Variants in NECAB1 observed in about 807,000 individuals in gnomAD.
NECAB1 encodes N-terminal EF-hand calcium-binding protein 1.
Under a neutral mutation model 57.5 loss-of-function variants are expected in NECAB1, and 29 were observed. That is an observed-to-expected ratio of 0.50 (90% CI 0.38 to 0.69). The LOEUF (loss-of-function observed/expected upper bound fraction) is 0.69, where lower values mean the gene tolerates loss of function less well. Among genes scored for constraint, NECAB1 ranks in the 30% least tolerant of loss-of-function variants. The probability of loss-of-function intolerance (pLI) is 0.00; values close to 1 mark genes in which losing one functional copy is unlikely to be tolerated. For missense variants in NECAB1, 372 were observed against 413.8 expected, an observed-to-expected ratio of 0.90 and a Z score of 0.88; for synonymous variants, 142 against 147.7, an observed-to-expected ratio of 0.96 and a Z score of 0.28.
chr8:90,938,869 A>G (rs926607985), intron 9 of NECAB1, among the ~76,000 whole-genome samples: 1 of 152,208 alleles, frequency 6.6e-6, no homozygotes, highest in African/African-American at 2.4e-5. Flanking sequence ...CAGGTAGGCA[A>G]TTTAGGCTGG....
Position 90,801,693 on chromosome 8 carries a change from A to T in NECAB1, c.102A>T (p.Ile34=), listed in dbSNP as rs1811761506. Residue 34 remains isoleucine (I), a splice_region_variant and synonymous_variant, in exon 2 of 13, where the codon ATA becomes ATT. Coordinates refer to ENST00000417640, the MANE Select transcript of NECAB1 (RefSeq NM_022351.5). ...ATTTTTTCCTTTTTCCTTTCCAGAT[A>T]CTGAGGAGAGCAGACAAAAATGGTA... is the stretch of plus-strand genomic sequence containing the variant. ...LSKGMSIFLD[I]LRRADKNDDG... 6.5e-7 allele frequency: 1 copy of T among 1,527,602 alleles called. No individual in the cohort carries two copies. Among genetic ancestry groups the T allele is most frequent in the African/African-American group, 1.4e-5 (1 of 72,310 alleles). The allele number at this position is 1,527,602 out of a possible 1,614,324, so 94.6% of individuals were successfully genotyped here. A position where few individuals can be genotyped will look rare whatever the true frequency, so the allele number is the denominator to read the frequency against.
In NECAB1 at chr8:90,956,952, G is replaced by T. The variant is rs1002951636; in HGVS notation, c.*1440G>T. The T allele has an allele frequency of 7.6e-6, 1 of 131,522 alleles. No individual in the cohort carries two copies. The highest frequency in any genetic ancestry group is 2.0e-4 in the East Asian group (1 of 4,938). The allele number at this position is 131,522 out of a possible 1,614,324, so 8.1% of individuals were successfully genotyped here. On this transcript the variant is annotated 3_prime_UTR_variant, in exon 13 of 13. Transcript: ENST00000417640. ...ATATTGTACATACACACGTGTGTGT[G>T]TGTGTGTGTGTGTGTGTGTGTGTGT... is the stretch of plus-strand genomic sequence containing the variant.
At position 90,957,487 on chromosome 8, in the gene NECAB1, G is replaced by C. The variant is rs1177355929; in HGVS notation, c.*1975G>C. 1.3e-5 allele frequency: 2 copies of C among 151,714 alleles called. No individual in the cohort carries two copies. Among genetic ancestry groups the C allele is most frequent in the Non-Finnish European group, 1.5e-5 (1 of 67,798 alleles). The allele number at this position is 151,714 out of a possible 1,614,324, so 9.4% of individuals were successfully genotyped here. On this transcript the variant is annotated 3_prime_UTR_variant, in exon 13 of 13. Coordinates refer to ENST00000417640, the MANE Select transcript of NECAB1 (RefSeq NM_022351.5). ...TCTGAAACAAGAATTAGAATGACTT[G>C]AGAACGGGCAAATAACAAAGCAAAC...
At chr8:90,835,772 T>C (rs1401160116) in intron 3 of NECAB1, among the ~76,000 whole-genome samples, 12 of 152,226 alleles carry the variant, frequency 7.9e-5, no homozygotes, top group Admixed American at 7.9e-4. Context: ...TGTTCTCTAC[T>C]ACTTCCAGCA....
chr8:90,906,874 C>CATAT (rs1290352726), intron 5 of NECAB1, among the ~76,000 whole-genome samples: 139 of 42,614 alleles, frequency 3.3e-3, no homozygotes, highest in African/African-American at 0.013. Flanking sequence ...ATATGATATA[C>CATAT]ACATATATAT....
chr8:90,863,983 G>T (rs1304578210), intron 3 of NECAB1, among the ~76,000 whole-genome samples: 3 of 152,050 alleles, frequency 2.0e-5, no homozygotes, highest in African/African-American at 7.2e-5. Flanking sequence ...TCAAAGTGCG[G>T]GTCACAGACT....
intron 2 of NECAB1, 70 bp from the exon 3 acceptor site, chr8:90,824,647 T>C (rs969768704): frequency 3.0e-5 from 32 of 1,060,066 alleles, no homozygotes; most frequent in Non-Finnish European, 4.2e-5. Context: ...TGGGTGAAGT[T>C]TTATAAAGCA....
At chr8:90,823,883 G>A (rs373157675) in intron 2 of NECAB1, among the ~76,000 whole-genome samples, 5 of 151,734 alleles carry the variant, frequency 3.3e-5, no homozygotes, top group Middle Eastern at 3.4e-3. Flanking sequence ...TCATCCATTC[G>A]TTTCTCTAGG....
intron 5 of NECAB1, among the ~76,000 whole-genome samples, chr8:90,912,590 T>C (rs1367762707): frequency 6.6e-6 from 1 of 152,198 alleles, no homozygotes; most frequent in Non-Finnish European, 1.5e-5. Flanking sequence ...TGAAATTATT[T>C]TGATATCTTG....
chr8:90,941,943 T>G (rs1449814711), intron 10 of NECAB1, among the ~76,000 whole-genome samples: 1 of 152,180 alleles, frequency 6.6e-6, no homozygotes, highest in Admixed American at 6.5e-5. Context: ...GCTCTTCAAA[T>G]GTTGCTTTGG....
At chr8:90,857,396 A>T (rs566016795) in intron 3 of NECAB1, among the ~76,000 whole-genome samples, 1 of 152,190 alleles carries the variant, frequency 6.6e-6, no homozygotes. Flanking sequence ...TATTTTAAGA[A>T]CTAAAACAGA....
chr8:90,920,473 A>T (rs941103606), intron 6 of NECAB1, among the ~76,000 whole-genome samples: 6 of 152,154 alleles, frequency 3.9e-5, no homozygotes, highest in African/African-American at 1.4e-4. Context: ...GAAAAACTAT[A>T]CCTTTCCTAT....
At chr8:90,906,891 A>ATGTATATATATATATATGTATG (rs1554574081) in intron 5 of NECAB1, among the ~76,000 whole-genome samples, 1 of 113,414 alleles carries the variant, frequency 8.8e-6, no homozygotes, top group African/African-American at 4.0e-5. Context: ...ATATATATAT[A>ATGTATATATATATATATGTATG]TATATATATA....
chr8:90,802,027 A>G (rs1419266078), intron 2 of NECAB1, among the ~76,000 whole-genome samples: 4 of 152,226 alleles, frequency 2.6e-5, no homozygotes, highest in African/African-American at 7.2e-5. Flanking sequence ...TTGAGTGTCT[A>G]CTGTGTGCCA....
chr8:90,885,459 C>T (rs1163285791), intron 5 of NECAB1, among the ~76,000 whole-genome samples: 1 of 152,126 alleles, frequency 6.6e-6, no homozygotes, highest in African/African-American at 2.4e-5. Context: ...GTGGCTATGA[C>T]CAAAAAGAGA....
At chr8:90,828,131 G>GTTT (rs397961666) in intron 3 of NECAB1, among the ~76,000 whole-genome samples, 48 of 143,474 alleles carry the variant, frequency 3.3e-4, no homozygotes, top group African/African-American at 9.2e-4. Context: ...GTTCACTGCA[G>GTTT]TTTTTTTTTT....
chr8:90,945,827 T>TCCAAAGACAGCTTAG (rs1423721028), intron 10 of NECAB1, among the ~76,000 whole-genome samples: 1 of 152,170 alleles, frequency 6.6e-6, no homozygotes, highest in African/African-American at 2.4e-5. Flanking sequence ...GGGGCCTGCA[T>TCCAAAGACAGCTTAG]CCAAAGACAG....
intron 5 of NECAB1, among the ~76,000 whole-genome samples, chr8:90,906,341 CTTAT>C (rs1308240460): frequency 6.6e-6 from 1 of 152,106 alleles, no homozygotes; most frequent in Non-Finnish European, 1.5e-5. Flanking sequence ...ACTGAGAAGA[CTTAT>C]TTGTCATCTT....
intron 12 of NECAB1, 45 bp from the exon 13 acceptor site, chr8:90,955,442 T>C (rs1436495562): frequency 2.1e-6 from 3 of 1,442,518 alleles, no homozygotes; most frequent in Non-Finnish European, 1.9e-6. Context: ...TTCTTTGCCC[T>C]ATAAGTTATT....
Sources: gnomAD v4.1 joint callset for allele counts (sites outside exome capture counted in the v4.1 genomes callset) on GRCh38, gnomAD v4.1.1 for gene constraint, MANE v1.5 for transcripts, NCBI Gene and HGNC (gene_info 2026-07-23, HGNC 2026-07-21) for gene names.